SYT14: variants seen among roughly 807,000 people sequenced by gnomAD.
SYT14 encodes the protein synaptotagmin 14, also known as synaptotagmin-14.
In SYT14, 32 loss-of-function variants were observed where a neutral mutation model predicts 74.2. That is an observed-to-expected ratio of 0.43 (90% CI 0.33 to 0.58). SYT14 has a LOEUF of 0.58. Among genes scored for constraint, SYT14 ranks in the 20% least tolerant of loss-of-function variants. SYT14 has a pLI of 0.05. For missense variants in SYT14, 791 were observed against 981.8 expected (o/e 0.81, Z 2.60); for synonymous variants, 298 against 337.7 (o/e 0.88, Z 1.29).
chr1:210,026,281 G>A (rs2080409723), intron 5 of SYT14, among the ~76,000 whole-genome samples: 1 of 151,932 alleles, frequency 6.6e-6, no homozygotes, highest in Non-Finnish European at 1.5e-5. Context: ...GTCAAAATAT[G>A]GTTCGTGGAT....
At chr1:209,993,518 G>A in intron 2 of SYT14, among the ~76,000 whole-genome samples, 2 of 152,202 alleles carry the variant, frequency 1.3e-5, no homozygotes, top group East Asian at 3.9e-4. Context: ...GAGACTGTAT[G>A]TACCCTTAGA....
intron 5 of SYT14, among the ~76,000 whole-genome samples, chr1:210,047,827 A>T (rs2080914621): frequency 6.6e-6 from 1 of 152,222 alleles, no homozygotes; most frequent in Non-Finnish European, 1.5e-5. Context: ...AATCCAAGTT[A>T]TATGTTATGC....
intron 7 of SYT14, among the ~76,000 whole-genome samples, chr1:210,117,984 T>G (rs985590795): frequency 6.6e-6 from 1 of 152,218 alleles, no homozygotes; most frequent in East Asian, 1.9e-4. Context: ...AAGTGTGTAT[T>G]ATGTTTTTCA....
intron 1 of SYT14, among the ~76,000 whole-genome samples, chr1:209,939,933 G>A (rs2078702411): frequency 1.3e-5 from 2 of 152,060 alleles, no homozygotes; most frequent in Admixed American, 6.6e-5. Flanking sequence ...CATGTCACCT[G>A]ATGGCATTTT....
At chr1:209,964,849 A>G (rs527473693) in intron 2 of SYT14, among the ~76,000 whole-genome samples, 1 of 152,378 alleles carries the variant, frequency 6.6e-6, no homozygotes, top group East Asian at 1.9e-4. Context: ...GGAATATATG[A>G]GTTCAGCATA....
intron 5 of SYT14, among the ~76,000 whole-genome samples, chr1:210,079,562 A>G (rs1233392382): frequency 6.6e-6 from 1 of 152,182 alleles, no homozygotes; most frequent in African/African-American, 2.4e-5. Flanking sequence ...ATGCATATCT[A>G]GCTTATTCCT....
At chr1:210,106,415 A>G (rs1431604693) in intron 7 of SYT14, among the ~76,000 whole-genome samples, 3 of 152,276 alleles carry the variant, frequency 2.0e-5, no homozygotes, top group Middle Eastern at 3.4e-3. Flanking sequence ...GTCTGTTCTC[A>G]TGATGCTAAT....
intron 7 of SYT14, among the ~76,000 whole-genome samples, chr1:210,121,781 G>A (rs551692760): frequency 2.7e-5 from 4 of 147,494 alleles, no homozygotes; most frequent in East Asian, 2.0e-4. Flanking sequence ...GCGACAGAGC[G>A]AGACCCCATT....
At chr1:210,060,925 TAATC>T (rs1480154804) in intron 5 of SYT14, among the ~76,000 whole-genome samples, 1 of 152,070 alleles carries the variant, frequency 6.6e-6, no homozygotes, top group African/African-American at 2.4e-5. Flanking sequence ...ATTCAGGGCT[TAATC>T]AATTAAGACA....
At position 209,985,309 on chromosome 1, in the gene SYT14, G is replaced by A. The variant is rs533647718; in HGVS notation, c.-485-28324G>A. Among the ~76,000 whole-genome samples, 5 of 152,358 alleles carry A rather than the reference G, an allele frequency of 3.3e-5. No individual in the cohort carries two copies. In the East Asian group the frequency reaches 9.6e-4, roughly 29 times the overall value. ...AGAAATCGGCCAAAAGAAAGGGGCT[G>A]CAGACCCCATGTTAGTTCAAAACGC... On this transcript the variant is annotated intron_variant, in intron 2 of 9. Transcript: ENST00000637265.
At chr1:209,975,466 A>G (rs2079343431) in intron 2 of SYT14, among the ~76,000 whole-genome samples, 1 of 152,304 alleles carries the variant, frequency 6.6e-6, no homozygotes, top group East Asian at 1.9e-4. Flanking sequence ...TGAGATAATC[A>G]TGTGGTTTTT....
chr1:210,082,252 A>G (rs138298838), intron 5 of SYT14, among the ~76,000 whole-genome samples: 1 of 152,344 alleles, frequency 6.6e-6, no homozygotes, highest in African/African-American at 2.4e-5. Flanking sequence ...TCTAGGTGAC[A>G]TCAGTCTTCC....
chr1:210,105,050 G>A (rs1468968867), intron 7 of SYT14, among the ~76,000 whole-genome samples: 1 of 152,070 alleles, frequency 6.6e-6, no homozygotes, highest in Non-Finnish European at 1.5e-5. Context: ...GGTTCTCGAA[G>A]TATGATTCCT....
chr1:210,004,271 T>G (rs1474792174), intron 2 of SYT14, among the ~76,000 whole-genome samples: 1 of 152,048 alleles, frequency 6.6e-6, no homozygotes, highest in African/African-American at 2.4e-5. Flanking sequence ...CCTTAGTGTA[T>G]CTTTCTTTCT....
At chr1:210,068,294 A>G (rs767558011) in intron 5 of SYT14, among the ~76,000 whole-genome samples, 3 of 151,756 alleles carry the variant, frequency 2.0e-5, no homozygotes, top group Non-Finnish European at 3.0e-5. Flanking sequence ...CCAATTTGTC[A>G]TGCTGTCTTT....
exon 10 of SYT14, chr1:210,167,313 C>G (rs1481423757): frequency 1.3e-5 from 2 of 152,192 alleles, no homozygotes; most frequent in Non-Finnish European, 2.9e-5. Context: ...AAATGCAGTA[C>G]TGGATTCTTC....
At chr1:209,961,647 T>C (rs1271737876) in intron 2 of SYT14, among the ~76,000 whole-genome samples, 1 of 152,142 alleles carries the variant, frequency 6.6e-6, no homozygotes, top group Non-Finnish European at 1.5e-5. Context: ...TAAACTGGTA[T>C]GTACATATTA....
intron 9 of SYT14, 145 bp downstream of exon 8, chr1:210,159,622 C>A: frequency 1.3e-6 from 1 of 742,848 alleles, no homozygotes; most frequent in South Asian, 1.6e-5. Context: ...ATAAAACTAA[C>A]TTAGAATTTA....
At chr1:209,972,489 A>G (rs997626921) in intron 2 of SYT14, among the ~76,000 whole-genome samples, 1 of 152,078 alleles carries the variant, frequency 6.6e-6, no homozygotes, top group Non-Finnish European at 1.5e-5. Context: ...GTATAGCACT[A>G]TGAACTTTCC....
Sources: allele counts gnomAD v4.1 joint callset (sites outside exome capture counted in the v4.1 genomes callset), GRCh38; gene constraint gnomAD v4.1.1; transcripts MANE v1.5; gene names NCBI Gene and HGNC (gene_info 2026-07-23, HGNC 2026-07-21).